Variants in ADAM12 observed in about 807,000 individuals in gnomAD.
The protein encoded by ADAM12 is ADAM metallopeptidase domain 12.
A neutral mutation model predicts 106.4 loss-of-function variants in ADAM12; 70 were observed. The observed-to-expected ratio is 0.66, with a 90% CI of 0.54 to 0.80. The LOEUF (loss-of-function observed/expected upper bound fraction) is 0.80. ADAM12 is among the 30% of genes least tolerant of loss of function. ADAM12 has a pLI of 0.00. For missense variants in ADAM12, 1,010 were observed against 1,171.9 expected, an observed-to-expected ratio of 0.86 and a Z score of 2.02; for synonymous variants, 420 against 433.5, an observed-to-expected ratio of 0.97 and a Z score of 0.39.
chr10:126,308,897 T>A (rs1256595543), intron 2 of ADAM12, among the ~76,000 whole-genome samples: 1 of 152,324 alleles, frequency 6.6e-6, no homozygotes, highest in East Asian at 1.9e-4. Context: ...GAATGATGTA[T>A]GTGTCAGCTG....
chr10:126,162,158 T>G (rs2133743851), intron 3 of ADAM12, among the ~76,000 whole-genome samples: 1 of 152,030 alleles, frequency 6.6e-6, no homozygotes, highest in South Asian at 2.1e-4. Context: ...CAGGGCTCCA[T>G]GACAGGGACA....
At chr10:126,075,579 G>A (rs3781013) in intron 11 of ADAM12, among the ~76,000 whole-genome samples, 17,162 of 152,222 alleles carry the variant, frequency 0.11, 1,166 homozygotes, top group African/African-American at 0.18. Flanking sequence ...GGAAGAGGGT[G>A]TGTATTGAAC....
rs566651307 is a variant in ADAM12, at chr10:126,261,262, T to C, written c.260+17653A>G. ...CACTGGTATGTTTAAAAATTCTATA[T>C]GGGAACCAAGAATGCTTCATCTGAG... On this transcript the variant is annotated intron_variant, in intron 3 of 22. Transcript: ENST00000448723. Among the ~76,000 whole-genome samples the C allele has an allele frequency of 2.6e-5, 4 of 152,320 alleles. No individual in the cohort carries two copies. The East Asian group carries it at 7.7e-4, about 29-fold the overall frequency.
At chr10:126,352,643 C>A (rs934857026) in intron 1 of ADAM12, among the ~76,000 whole-genome samples, 1 of 152,136 alleles carries the variant, frequency 6.6e-6, no homozygotes, top group Admixed American at 6.5e-5. Context: ...AGTTGCCAGG[C>A]GCTTGACAGT....
chr10:126,080,165 C>T (rs1955185345), intron 11 of ADAM12, among the ~76,000 whole-genome samples: 1 of 152,120 alleles, frequency 6.6e-6, no homozygotes, highest in Non-Finnish European at 1.5e-5. Flanking sequence ...CATTGTGCCT[C>T]CTTTGTGCTT....
chr10:126,095,763 GC>G (rs1276942468), intron 10 of ADAM12, among the ~76,000 whole-genome samples: 1 of 152,006 alleles, frequency 6.6e-6, no homozygotes, highest in African/African-American at 2.4e-5. Context: ...CCCTCAAGAA[GC>G]CCTATCAGGT....
intron 2 of ADAM12, among the ~76,000 whole-genome samples, chr10:126,279,430 C>CA (rs55921948): frequency 1.0e-4 from 13 of 125,586 alleles, no homozygotes; most frequent in South Asian, 2.8e-4. Context: ...GACTCTGTCT[C>CA]AAAAAAAAAA....
rs1323576741 is a variant in ADAM12 at position 126,017,087 on chromosome 10, T to C, written c.*192A>G. 3.7e-6 allele frequency: 2 copies of C among 544,198 alleles called. No individual in the cohort carries two copies. The highest frequency in any genetic ancestry group is 6.5e-6 in the Non-Finnish European group (2 of 306,356). 33.7% of individuals were successfully genotyped at this position (544,198 alleles called of 1,614,324 possible). A position where few individuals can be genotyped will look rare whatever the true frequency, so the allele number is the denominator to read the frequency against. ...ATCAACATTCTGCATAAATTAATAATTTACAAGTACCTGAGCAAGTAGACA... is the reference window on the plus strand; with the variant it reads ...ATCAACATTCTGCATAAATTAATAACTTACAAGTACCTGAGCAAGTAGACA... On this transcript the variant is annotated 3_prime_UTR_variant, in exon 23 of 23. Coordinates refer to ENST00000448723, the MANE Select transcript of ADAM12 (RefSeq NM_001288973.2).
intron 6 of ADAM12, among the ~76,000 whole-genome samples, chr10:126,112,422 G>C (rs578136760): frequency 1.7e-4 from 26 of 151,378 alleles, no homozygotes; most frequent in Non-Finnish European, 2.8e-4. Flanking sequence ...TTTTCATTTT[G>C]GGGGGTTATG....
chr10:126,071,852 C>T (rs1590369878), intron 11 of ADAM12, among the ~76,000 whole-genome samples, 198 bp from the exon 12 acceptor site: 2 of 152,176 alleles, frequency 1.3e-5, no homozygotes, highest in South Asian at 2.1e-4. Context: ...ACATCCATTC[C>T]GTACAGTGCC....
intron 11 of ADAM12, among the ~76,000 whole-genome samples, chr10:126,083,748 G>A (rs1955280270): frequency 6.6e-6 from 1 of 152,240 alleles, no homozygotes; most frequent in African/African-American, 2.4e-5. Context: ...AAAGCCTCGT[G>A]ACTCCTCCTC....
At chr10:126,116,228 C>T (rs1343884218) in intron 6 of ADAM12, among the ~76,000 whole-genome samples, 2 of 152,196 alleles carry the variant, frequency 1.3e-5, no homozygotes, top group African/African-American at 4.8e-5. Flanking sequence ...ATTTGAGTGT[C>T]ATTTAAGCCA....
intron 1 of ADAM12, among the ~76,000 whole-genome samples, chr10:126,377,665 C>T (rs533289762): frequency 6.6e-6 from 1 of 152,296 alleles, no homozygotes; most frequent in African/African-American, 2.4e-5. Context: ...GCCAACCAAT[C>T]TAAACACTGA....
At chr10:126,057,867 G>T (rs1590349155) in intron 14 of ADAM12, among the ~76,000 whole-genome samples, 1 of 152,188 alleles carries the variant, frequency 6.6e-6, no homozygotes, top group South Asian at 2.1e-4. Flanking sequence ...CTTCTTCTAG[G>T]AACGAGAACA....
intron 12 of ADAM12, among the ~76,000 whole-genome samples, chr10:126,071,252 A>G (rs1152656): frequency 0.72 from 109,895 of 152,050 alleles, 40,329 homozygotes; most frequent in African/African-American, 0.83. Context: ...CCCTTCGATA[A>G]GATTATTTAT....
chr10:126,386,231 T>C (rs1269921809), intron 1 of ADAM12, among the ~76,000 whole-genome samples: 1 of 152,128 alleles, frequency 6.6e-6, no homozygotes, highest in Non-Finnish European at 1.5e-5. Flanking sequence ...GTTTTGGACT[T>C]GTTAGGCCGA....
chr10:126,291,992 C>T (rs942082543), intron 2 of ADAM12, among the ~76,000 whole-genome samples: 2 of 150,690 alleles, frequency 1.3e-5, no homozygotes, highest in African/African-American at 2.4e-5. Flanking sequence ...TTTTTTTTCC[C>T]GTTGAAACAT....
intron 2 of ADAM12, among the ~76,000 whole-genome samples, chr10:126,316,640 T>G (rs1461971332): frequency 6.6e-6 from 1 of 152,090 alleles, no homozygotes; most frequent in African/African-American, 2.4e-5. Flanking sequence ...GTGGATCGCT[T>G]GAGCTCAGGA....
chr10:126,270,471 T>G (rs1458147802), intron 3 of ADAM12, among the ~76,000 whole-genome samples: 1 of 152,232 alleles, frequency 6.6e-6, no homozygotes, highest in African/African-American at 2.4e-5. Flanking sequence ...ACGTGGCTAT[T>G]GAATACTTGA....
Sources: allele counts gnomAD v4.1 joint callset (sites outside exome capture counted in the v4.1 genomes callset), GRCh38; gene constraint gnomAD v4.1.1; transcripts MANE v1.5; gene names NCBI Gene and HGNC (gene_info 2026-07-23, HGNC 2026-07-21).